Variants in OCA2 observed in about 807,000 individuals in gnomAD.
OCA2 encodes the protein OCA2 melanosomal transmembrane protein, also known as P protein.
In OCA2, 77 loss-of-function variants were observed where a neutral mutation model predicts 100.2. The ratio of observed to expected loss-of-function variants is 0.77; its 90% confidence interval spans 0.64 to 0.93. The LOEUF is 0.93. OCA2 is among the 40% of genes least tolerant of loss of function. OCA2 has a pLI of 0.00. For synonymous variants in OCA2, 432 were observed against 439.2 expected, an observed-to-expected ratio of 0.98 and a Z score of 0.21; for missense variants, 1,062 against 1,089.1, an observed-to-expected ratio of 0.98 and a Z score of 0.35.
chr15:27,966,556 G>A (rs1260850237), intron 15 of OCA2, 134 bp downstream of exon 15: 1 of 912,154 alleles, frequency 1.1e-6, no homozygotes, highest in East Asian at 2.5e-5. Context: ...ACTAGAAGGT[G>A]GACGTGGAGA....
chr15:27,761,195 A>G (rs2030805553), intron 23 of OCA2, among the ~76,000 whole-genome samples: 1 of 152,104 alleles, frequency 6.6e-6, no homozygotes. Context: ...TGAAAAAAAA[A>G]GCAAAACAAA....
At chr15:27,912,440 G>A (rs1006320574) in intron 19 of OCA2, among the ~76,000 whole-genome samples, 3 of 152,070 alleles carry the variant, frequency 2.0e-5, no homozygotes, top group African/African-American at 7.2e-5. Context: ...TGATGAGGAT[G>A]TGTCTAAAGA....
intron 1 of OCA2, among the ~76,000 whole-genome samples, chr15:28,098,142 A>T (rs1334039869): frequency 6.6e-6 from 1 of 152,204 alleles, no homozygotes; most frequent in East Asian, 1.9e-4. Flanking sequence ...CAGTGTAATG[A>T]AACTTTAGGG....
chr15:28,052,946 A>G (rs1323554985), intron 2 of OCA2, among the ~76,000 whole-genome samples: 1 of 152,222 alleles, frequency 6.6e-6, no homozygotes, highest in African/African-American at 2.4e-5. Context: ...AGACCGTAGA[A>G]GCAGACAGGG....
At chr15:28,052,748 C>T (rs7163337) in intron 2 of OCA2, among the ~76,000 whole-genome samples, 13,817 of 152,242 alleles carry the variant, frequency 0.091, 802 homozygotes, top group African/African-American at 0.16. Flanking sequence ...TCACAGGCTT[C>T]GACAAAATTC....
chr15:28,008,339 G>C (rs1160848516), intron 9 of OCA2, among the ~76,000 whole-genome samples: 29 of 152,212 alleles, frequency 1.9e-4, no homozygotes, highest in Admixed American at 1.9e-3. Flanking sequence ...CCACAATTTA[G>C]CCTAAATACT....
At chr15:27,751,816 C>G (rs1325206107), downstream of OCA2, among the ~76,000 whole-genome samples, 1 of 152,198 alleles carries the variant, frequency 6.6e-6, no homozygotes, top group Non-Finnish European at 1.5e-5. Flanking sequence ...GTGTACTAGT[C>G]TTCTCTAGAA....
intron 19 of OCA2, among the ~76,000 whole-genome samples, chr15:27,913,890 AGAAAGCAAGCAAGCAAGCAAGCAAGC>A (rs2038536695): frequency 1.9e-5 from 1 of 52,056 alleles, no homozygotes; most frequent in African/African-American, 8.1e-5. Flanking sequence ...AAAGAAAGAA[AGAAAGCAAGCAAGCAAGCAAGCAAGC>A]AAGCAAGCAA....
At chr15:27,768,692 C>T (rs1268241006) in intron 23 of OCA2, among the ~76,000 whole-genome samples, 2 of 152,186 alleles carry the variant, frequency 1.3e-5, no homozygotes, top group Admixed American at 6.5e-5. Context: ...TTTTATGAAT[C>T]TTGTTTTTTA....
intron 14 of OCA2, among the ~76,000 whole-genome samples, chr15:27,971,562 G>A (rs2040792940): frequency 6.6e-6 from 1 of 152,132 alleles, no homozygotes; most frequent in South Asian, 2.1e-4. Flanking sequence ...TTGTCCATGT[G>A]GTGGGTCCTG....
intron 17 of OCA2, 66 bp from the exon 18 acceptor site, chr15:27,951,958 C>G: frequency 9.3e-7 from 1 of 1,077,490 alleles, no homozygotes. Flanking sequence ...CGTGTCATAA[C>G]CTACGCAACT....
At chr15:27,730,435 A>G in the OCA2 span, among the ~76,000 whole-genome samples, 3 of 152,120 alleles carry the variant, frequency 2.0e-5, no homozygotes, top group African/African-American at 4.8e-5. Flanking sequence ...AAGGTCTGCA[A>G]ACCCCGTTGT....
chr15:27,900,625 C>G (rs955088809), intron 19 of OCA2, among the ~76,000 whole-genome samples: 1 of 152,216 alleles, frequency 6.6e-6, no homozygotes. Flanking sequence ...GCTGAGAATC[C>G]TCCCTGGCCA....
Position 27,851,371 on chromosome 15 carries a change from C to T in OCA2, c.2338+11G>A. 1 of 1,611,742 alleles carries T rather than the reference C, an allele frequency of 6.2e-7. No homozygotes were observed. The highest frequency in any genetic ancestry group is 1.1e-5 in the South Asian group (1 of 90,712). On this transcript the variant is annotated intron_variant, in intron 22 of 23. Coordinates refer to ENST00000354638, the MANE Select transcript of OCA2 (RefSeq NM_000275.3). Reference sequence around the variant, plus strand: ...TGCACCCCCACCCCCATGCAGTCAGCAGCCCCTTACCTCCCAGGCAAGCAC... The same window carrying T: ...TGCACCCCCACCCCCATGCAGTCAGTAGCCCCTTACCTCCCAGGCAAGCAC...
intron 7 of OCA2, 118 bp downstream of exon 7, chr15:28,018,279 G>A: frequency 1.1e-6 from 1 of 911,186 alleles, no homozygotes; most frequent in Non-Finnish European, 1.8e-6. Context: ...CCAATGAATT[G>A]ACTAAGAATG....
chr15:27,986,118 C>G (rs979024721), intron 12 of OCA2, among the ~76,000 whole-genome samples: 1 of 152,202 alleles, frequency 6.6e-6, no homozygotes, highest in African/African-American at 2.4e-5. Flanking sequence ...AATGACAGGA[C>G]AGGTACAAAT....
chr15:27,906,281 CAT>C (rs1339711254), intron 19 of OCA2, among the ~76,000 whole-genome samples: 3 of 152,282 alleles, frequency 2.0e-5, no homozygotes, highest in Non-Finnish European at 2.9e-5. Context: ...CAAAATATCA[CAT>C]GTCCCCCATA....
chr15:27,834,239 C>T (rs2035065397), intron 23 of OCA2, among the ~76,000 whole-genome samples: 1 of 152,152 alleles, frequency 6.6e-6, no homozygotes, highest in South Asian at 2.1e-4. Flanking sequence ...GTAATGAAGC[C>T]TCAAACCCCC....
At chr15:28,096,466 A>G (rs994279480) in intron 1 of OCA2, among the ~76,000 whole-genome samples, 5 of 152,128 alleles carry the variant, frequency 3.3e-5, no homozygotes, top group African/African-American at 1.2e-4. Context: ...CCCGGATCCC[A>G]GGGAGGGGGC....
Sources: gnomAD v4.1 joint callset for allele counts (sites outside exome capture counted in the v4.1 genomes callset) on GRCh38, gnomAD v4.1.1 for gene constraint, MANE v1.5 for transcripts, NCBI Gene and HGNC (gene_info 2026-07-23, HGNC 2026-07-21) for gene names.